Variants in SIGIRR observed in about 807,000 individuals in gnomAD.
The protein encoded by SIGIRR is single Ig IL-1-related receptor.
SIGIRR carries 41 observed loss-of-function variants against 45.6 expected under a neutral mutation model. That is an observed-to-expected ratio of 0.90 (90% CI 0.70 to 1.17). SIGIRR has a LOEUF of 1.17. SIGIRR is among the 50% of genes most tolerant of loss of function. The pLI is 0.00. For synonymous variants in SIGIRR, 298 were observed against 239.0 expected (o/e 1.25, Z -2.28); for missense variants, 599 against 539.6 (o/e 1.11, Z -1.09).
intron 1 of SIGIRR, among the ~76,000 whole-genome samples, chr11:412,759 T>G (rs1195447534): frequency 1.3e-5 from 2 of 151,306 alleles, no homozygotes; most frequent in African/African-American, 2.4e-5. Context: ...CCACGTCTGG[T>G]TACAGTCAGG....
intron 5 of SIGIRR, 51 bp from the exon 6 acceptor site, chr11:407,619 C>T (rs1847405217): frequency 6.3e-7 from 1 of 1,588,614 alleles, no homozygotes; most frequent in African/African-American, 1.3e-5. Flanking sequence ...TCACACCAGC[C>T]CTCGGGGTCC....
chr11:417,121 T>G (rs1015722151), upstream of SIGIRR, among the ~76,000 whole-genome samples: 3 of 152,020 alleles, frequency 2.0e-5, no homozygotes, highest in African/African-American at 7.2e-5. The surrounding 1 kb of genome is among the most constrained non-coding windows in gnomAD (Gnocchi z 4.2). Flanking sequence ...CTTTCCTCCC[T>G]TCCCCCAGCC....
At chr11:408,576 G>T in intron 3 of SIGIRR, 119 bp downstream of exon 3, 1 of 1,205,718 alleles carries the variant, frequency 8.3e-7, no homozygotes, top group Non-Finnish European at 1.2e-6. Context: ...GGTCCACAGA[G>T]GCACTCTGCT....
At chr11:407,282 C>A in intron 6 of SIGIRR, 118 bp from the exon 7 acceptor site, 2 of 483,532 alleles carry the variant, frequency 4.1e-6, no homozygotes, top group South Asian at 5.3e-5. Context: ...GCGGGGTGGG[C>A]GGGTTTTTGA....
chr11:408,663 T>A, intron 3 of SIGIRR, 32 bp downstream of exon 3: 1 of 1,610,552 alleles, frequency 6.2e-7, no homozygotes, highest in East Asian at 2.2e-5. Context: ...GTCTGAGAGG[T>A]CACTCTGACC....
chr11:406,984 C>A lies in SIGIRR; in HGVS notation c.738G>T (p.Leu246=). 1 of 1,599,614 alleles carries A rather than the reference C, an allele frequency of 6.3e-7. No homozygotes were observed. Among genetic ancestry groups the A allele is most frequent in the Non-Finnish European group, 8.5e-7 (1 of 1,176,564 alleles). ...AWCSHSFREG[L]CRLLELTRRP... ...TGCGGGTGAGCTCCAGCAGCCGGCA[C>A]AGGCCCTCCCTGCGGGGCGGGACCG... Residue 246 remains leucine (L), a synonymous_variant, in exon 8 of 10, where the codon CTG becomes CTT. Coordinates refer to ENST00000431843, the MANE Select transcript of SIGIRR (RefSeq NM_001135054.2).
At chr11:407,381 CG>C in intron 6 of SIGIRR, 43 bp downstream of exon 6, 24 of 1,260,412 alleles carry the variant, frequency 1.9e-5, no homozygotes, top group Non-Finnish European at 2.2e-5. Flanking sequence ...CGGGGCGGGG[CG>C]GGCCCTCCGG....
At position 406,039 on chromosome 11, in the gene SIGIRR, C is replaced by T. The variant is rs760297614; in HGVS notation, c.1090G>A (p.Gly364Arg). 3.1e-6 allele frequency: 5 copies of T among 1,595,742 alleles called. No individual in the cohort carries two copies. The Admixed American group carries it at 7.0e-5, about 22-fold the overall frequency. Residue 364 changes from glycine to arginine, a missense_variant, in exon 10 of 10, where the codon GGA becomes AGA. Physicochemically the swap from Gly to Arg is moderately radical, Grantham distance 125. Transcript: ENST00000431843. ...GDLGVRGPVF[G>R]EPSAPPHTSG... ...GTGTGCGGTGGAGCTGATGGCTCTC[C>T]AAAGACAGGCCCCCGGACACCTGGG...
At position 407,586 on chromosome 11, in the gene SIGIRR, T is replaced by C; in HGVS notation, c.482-18A>G. 3 of 1,604,258 alleles carry C rather than the reference T, an allele frequency of 1.9e-6. No homozygotes were observed. Among genetic ancestry groups the C allele is most frequent in the East Asian group, 4.5e-5 (2 of 44,424 alleles). ...CTTCCCGTCTGCGGACGGCGGCCAG[T>C]CACCCCGATGGCTCCCGAGGCCTCA... On this transcript the variant is annotated intron_variant, in intron 5 of 9. Coordinates refer to ENST00000431843, the MANE Select transcript of SIGIRR (RefSeq NM_001135054.2).
chr11:413,641 C>T (rs1228924785), intron 1 of SIGIRR, among the ~76,000 whole-genome samples: 1 of 151,204 alleles, frequency 6.6e-6, no homozygotes, highest in East Asian at 1.9e-4. Context: ...CCCTCCTCTG[C>T]ACCCTCTCCG....
rs1847416439 is a variant in SIGIRR at position 407,813 on chromosome 11, G to C, written c.481+4C>G. On this transcript the variant is annotated splice_donor_region_variant and intron_variant, in intron 5 of 9. Coordinates refer to ENST00000431843, the MANE Select transcript of SIGIRR (RefSeq NM_001135054.2). ...CTCCTCGCGCCCACGCGGGCCCCAC[G>C]CACCGTTTATCTCCACCTCCCCATA... 1 of 1,612,296 alleles carries C rather than the reference G, an allele frequency of 6.2e-7. No individual in the cohort carries two copies. The highest frequency in any genetic ancestry group is 1.3e-5 in the African/African-American group (1 of 74,920).
chr11:416,345 C>T (rs1029454065), upstream of SIGIRR, among the ~76,000 whole-genome samples: 1 of 152,128 alleles, frequency 6.6e-6, no homozygotes, highest in African/African-American at 2.4e-5. The surrounding 1 kb of genome is among the most constrained non-coding windows in gnomAD (Gnocchi z 9.1). Flanking sequence ...CTCCTTCCCT[C>T]TCTCTGCTAA....
rs2133622041 is a variant in SIGIRR at position 407,505 on chromosome 11, T to G, written c.545A>C (p.Asn182Thr). The G allele has an allele frequency of 6.2e-7, 1 of 1,605,676 alleles. No homozygotes were observed. Among genetic ancestry groups the G allele is most frequent in the East Asian group, 2.2e-5 (1 of 44,448 alleles). ...CTCCAGCTGCGGCTTTAGGATGAAG[T>G]TCACGAACTTGCGGTCCTCGGGGCA... The part of the protein sequence containing the change: ...SDCPEDRKFV[N>T]FILKPQLERR... Residue 182 changes from asparagine to threonine, a missense_variant, in exon 6 of 10, where the codon AAC becomes ACC. By Grantham distance (65) the Asn-to-Thr change is moderately conservative. Transcript: ENST00000431843.
chr11:408,331 A>T (rs1296923940), intron 3 of SIGIRR, 125 bp from the exon 4 acceptor site: 5 of 1,274,220 alleles, frequency 3.9e-6, no homozygotes, highest in Non-Finnish European at 5.4e-6. Context: ...TTGGGCCTTA[A>T]GCCAAGAGAA....
At position 408,217 on chromosome 11, in the gene SIGIRR, C is replaced by G; in HGVS notation, c.207-11G>C. The G allele has an allele frequency of 6.2e-7, 1 of 1,612,164 alleles. No homozygotes were observed. Among genetic ancestry groups the G allele is most frequent in the Non-Finnish European group, 8.5e-7 (1 of 1,179,828 alleles). ...AGGTTGGCCTTGACCCTGGGGATAC[C>G]AAGCCAGGGTCAGGGTCGACTGGGG... On this transcript the variant is annotated splice_polypyrimidine_tract_variant and intron_variant, in intron 3 of 9. Transcript: ENST00000431843.
upstream of SIGIRR, among the ~76,000 whole-genome samples, chr11:415,302 T>G (rs1338569432): frequency 1.3e-5 from 2 of 151,536 alleles, no homozygotes; most frequent in Non-Finnish European, 2.9e-5. The surrounding 1 kb of genome is among the most constrained non-coding windows in gnomAD (Gnocchi z 6.6). Flanking sequence ...TGTGCGTGCG[T>G]TTGTGTGTGT....
chr11:415,495 T>G (rs1425821103), upstream of SIGIRR, among the ~76,000 whole-genome samples: 1 of 152,054 alleles, frequency 6.6e-6, no homozygotes, highest in African/African-American at 2.4e-5. The surrounding 1 kb of genome is among the most constrained non-coding windows in gnomAD (Gnocchi z 6.6). Context: ...AGGGGCCGGT[T>G]TGCTCCCCCA....
intron 1 of SIGIRR, among the ~76,000 whole-genome samples, chr11:413,566 T>C (rs1166435946): frequency 6.6e-6 from 1 of 151,928 alleles, no homozygotes; most frequent in African/African-American, 2.4e-5. Context: ...CAGAGCCTTC[T>C]GGAAGTCAAG....
Position 406,070 on chromosome 11 carries a change from G to T in SIGIRR, c.1070-11C>A. ...CAGGCCCCCGGACACCTGGGGTGGG[G>T]AGACCGAGACGCCTGAGGTGGCCAC... On this transcript the variant is annotated splice_polypyrimidine_tract_variant and intron_variant, in intron 9 of 9. Coordinates refer to ENST00000431843, the MANE Select transcript of SIGIRR (RefSeq NM_001135054.2). The T allele has an allele frequency of 6.4e-7, 1 of 1,560,384 alleles. No homozygotes were observed.
Sources: gnomAD v4.1 joint callset for allele counts (sites outside exome capture counted in the v4.1 genomes callset) on GRCh38, gnomAD v4.1.1 for gene constraint, Gnocchi (gnomAD v3.1) non-coding constraint, MANE v1.5 for transcripts, NCBI Gene and HGNC (gene_info 2026-07-23, HGNC 2026-07-21) for gene names.